Variants in ITPR3 observed in about 807,000 individuals in gnomAD.
ITPR3 encodes inositol 1,4,5-trisphosphate receptor type 3.
Under a neutral mutation model 293.2 loss-of-function variants are expected in ITPR3, and 173 were observed. That is an observed-to-expected ratio of 0.59 (90% CI 0.52 to 0.67). The LOEUF is 0.67. Ranked by LOEUF, ITPR3 falls within the 30% of genes least tolerant of loss-of-function variation. The probability of loss-of-function intolerance (pLI) is 0.00; values close to 1 mark genes in which losing one functional copy is unlikely to be tolerated. For missense variants in ITPR3, 2,796 were observed against 3,592.1 expected (o/e 0.78, Z 5.66); for synonymous variants, 1,295 against 1,444.4 (o/e 0.90, Z 2.35).
rs566470251 is a variant in ITPR3, at chr6:33,640,767, CCCCACTTCTCAGGGGCACA to C, written c.160+223_160+241del. Among the ~76,000 whole-genome samples, 19 of 152,372 alleles carry C rather than the reference CCCCACTTCTCAGGGGCACA, an allele frequency of 1.2e-4. No homozygotes were observed. In the South Asian group the frequency reaches 3.9e-3, roughly 32 times the overall value. ...ATTCCCTTCATTTTCTGGGGCCACA[CCCCACTTCTCAGGGGCACA>C]CCCACTTCTGGCCAGGGGCCCATTC... On this transcript the variant is annotated intron_variant, in intron 2 of 57. Transcript: ENST00000605930.
chr6:33,653,381 C>T (rs925495348), intron 2 of ITPR3, among the ~76,000 whole-genome samples: 3 of 150,902 alleles, frequency 2.0e-5, no homozygotes, highest in African/African-American at 7.3e-5. Context: ...TCCCATAGTG[C>T]TGGAATTACA....
At position 33,638,619 on chromosome 6, in the gene ITPR3, G is replaced by T. The variant is rs1332853360; in HGVS notation, c.90-1865G>T. On this transcript the variant is annotated intron_variant, in intron 1 of 57. Coordinates refer to ENST00000605930, the MANE Select transcript of ITPR3 (RefSeq NM_002224.4). The surrounding 1 kb of genome is among the most constrained non-coding windows in gnomAD (Gnocchi z 4.3). ...TCTTCTTGCCTTTATCACTTAGGAAGTTACAAGGGCTTTAAGAGCTCTGGC... is the reference window on the plus strand; with the variant it reads ...TCTTCTTGCCTTTATCACTTAGGAATTTACAAGGGCTTTAAGAGCTCTGGC... Among the ~76,000 whole-genome samples the T allele has an allele frequency of 1.3e-5, 2 of 152,248 alleles. No individual in the cohort carries two copies. Among genetic ancestry groups the T allele is most frequent in the African/African-American group, 2.4e-5 (1 of 41,460 alleles).
chr6:33,635,739 C>T (rs189194065), intron 1 of ITPR3, among the ~76,000 whole-genome samples: 89 of 151,962 alleles, frequency 5.9e-4, no homozygotes, highest in Middle Eastern at 6.8e-3. Flanking sequence ...AGGTGAGGAT[C>T]CTGGAGGTAG....
intron 1 of ITPR3, among the ~76,000 whole-genome samples, chr6:33,628,863 C>T (rs552300567): frequency 1.3e-4 from 20 of 152,144 alleles, no homozygotes; most frequent in African/African-American, 4.3e-4. Context: ...CTCAGCCAGC[C>T]AGCCCGCCAG....
chr6:33,655,799 A>T lies in ITPR3; in HGVS notation c.194A>T (p.Tyr65Phe). The T allele has an allele frequency of 6.2e-7, 1 of 1,614,016 alleles. No individual in the cohort carries two copies. The highest frequency in any genetic ancestry group is 8.5e-7 in the Non-Finnish European group (1 of 1,180,008). The change falls in exon 3 of 58, where the codon TAC becomes TTC. Residue 65 changes from tyrosine to phenylalanine, a missense_variant. By Grantham distance (22) the Tyr-to-Phe change is conservative. Around this residue, in one of 8 missense-constraint regions of ITPR3, gnomAD observed 53 missense variants for 45.7 expected, o/e 1.16. Coordinates refer to ENST00000605930, the MANE Select transcript of ITPR3 (RefSeq NM_002224.4). This position sits in a 1 kb window ranked among gnomAD's most constrained non-coding sequence, Gnocchi z 4.9. ...TTCAAGGTGTGCCCCATGAACCGCT[A>T]CTCGGCCCAGAAGCAGTACTGGAAG... ...CLFKVCPMNR[Y>F]SAQKQYWKAK...
Position 33,675,672 on chromosome 6 carries a change from T to G in ITPR3, c.3117-19T>G. The stretch of plus-strand genomic sequence containing the variant: ...GTGTGCCAGTCTCACCCATGCGCCC[T>G]GCACCCTTGTGCCCGCAGGAAGACA... On this transcript the variant is annotated intron_variant, in intron 24 of 57. Transcript: ENST00000605930. This position sits in a 1 kb window ranked among gnomAD's most constrained non-coding sequence, Gnocchi z 5.0. The G allele has an allele frequency of 6.3e-7, 1 of 1,582,014 alleles. No individual in the cohort carries two copies. The highest frequency in any genetic ancestry group is 1.2e-5 in the South Asian group (1 of 85,286).
In ITPR3 at chr6:33,680,700, C is replaced by T. The variant is rs752950586; in HGVS notation, c.4476+20C>T. ...CTGCAGGTGAGCTTCTCCTCTCCCA[C>T]CACCCCAGGGCCGACTTGCCTAGCT... On this transcript the variant is annotated intron_variant, in intron 33 of 57. Coordinates refer to ENST00000605930, the MANE Select transcript of ITPR3 (RefSeq NM_002224.4). 1 of 1,605,774 alleles carries T rather than the reference C, an allele frequency of 6.2e-7. No homozygotes were observed. Among genetic ancestry groups the T allele is most frequent in the Non-Finnish European group, 8.5e-7 (1 of 1,173,330 alleles).
At position 33,668,555 on chromosome 6, in the gene ITPR3, A is replaced by G; in HGVS notation, c.1927A>G (p.Ile643Val). ...CTCTGACCTGTGTGTGTCCAACCAC[A>G]TCGCCATCCCCGTCACCCAAGAGCT... ...YLSDLCVSNHIAIPVTQELIC... is the reference protein window; with the variant it reads ...YLSDLCVSNHVAIPVTQELIC... Residue 643 changes from isoleucine to valine, a missense_variant, in exon 17 of 58, where the codon ATC (isoleucine) becomes GTC (valine). Physicochemically the swap from Ile to Val is conservative, Grantham distance 29. Around this residue, in one of 8 missense-constraint regions of ITPR3, gnomAD observed 955 missense variants for 1,180.8 expected, o/e 0.81. Transcript: ENST00000605930. The G allele has an allele frequency of 1.9e-6, 3 of 1,614,196 alleles. No homozygotes were observed. Among genetic ancestry groups the G allele is most frequent in the Non-Finnish European group, 2.5e-6 (3 of 1,180,022 alleles).
At chr6:33,695,247 AGACTGG>A in intron 57 of ITPR3, 162 bp downstream of exon 57, 2 of 764,376 alleles carry the variant, frequency 2.6e-6, no homozygotes, top group Non-Finnish European at 4.1e-6. Context: ...ATGGCAAGTC[AGACTGG>A]GGTTGACAAC....
intron 20 of ITPR3, 106 bp from the exon 21 acceptor site, chr6:33,671,059 G>C (rs1764747786): frequency 6.5e-7 from 1 of 1,539,080 alleles, no homozygotes; most frequent in Admixed American, 1.8e-5. Flanking sequence ...CCGTCCTCAT[G>C]ACGCCCCTTT....
At position 33,687,380 on chromosome 6, in the gene ITPR3, G is replaced by A. The variant is rs1309637546; in HGVS notation, c.6177+53G>A. ...ATCACCCCCCTGGCCACCATACCCC[G>A]CCCCAGCTGCCATCATCCCCCAGTC... On this transcript the variant is annotated intron_variant, in intron 45 of 57. Transcript: ENST00000605930. This position sits in a 1 kb window ranked among gnomAD's most constrained non-coding sequence, Gnocchi z 5.3. 1.9e-5 allele frequency: 28 copies of A among 1,448,196 alleles called. No individual in the cohort carries two copies. The highest frequency in any genetic ancestry group is 4.2e-5 in the African/African-American group (3 of 70,606). The allele number at this position is 1,448,196 out of a possible 1,614,324, so 89.7% of individuals were successfully genotyped here.
chr6:33,625,868 C>T (rs1763538741), intron 1 of ITPR3, among the ~76,000 whole-genome samples: 1 of 152,166 alleles, frequency 6.6e-6, no homozygotes, highest in Non-Finnish European at 1.5e-5. Context: ...ATCCCTAGGT[C>T]GGAAACCTCA....
At chr6:33,645,664 C>T (rs1764049693) in intron 2 of ITPR3, among the ~76,000 whole-genome samples, 1 of 152,186 alleles carries the variant, frequency 6.6e-6, no homozygotes, top group African/African-American at 2.4e-5. Flanking sequence ...GGGGGCAGCT[C>T]CCTTCGCTCT....
chr6:33,643,122 G>T (rs1359974517), intron 2 of ITPR3, among the ~76,000 whole-genome samples: 3 of 152,224 alleles, frequency 2.0e-5, no homozygotes, highest in Admixed American at 1.3e-4. Context: ...ACTGGCCCTG[G>T]AGGGTGGGAC....
chr6:33,679,363 C>G lies in ITPR3; in HGVS notation c.3973-519C>G, dbSNP rs1765005197. On this transcript the variant is annotated intron_variant, in intron 30 of 57. Coordinates refer to ENST00000605930, the MANE Select transcript of ITPR3 (RefSeq NM_002224.4). This position sits in a 1 kb window ranked among gnomAD's most constrained non-coding sequence, Gnocchi z 4.2. ...AACAGACGTGGTCCCTGCCCCTGAG[C>G]ATCTGACAGTGTAGGCGGCAGGGGG... is the stretch of plus-strand genomic sequence containing the variant. Among the ~76,000 whole-genome samples the G allele has an allele frequency of 6.6e-6, 1 of 152,204 alleles. No individual in the cohort carries two copies. Among genetic ancestry groups the G allele is most frequent in the African/African-American group, 2.4e-5 (1 of 41,444 alleles).
At chr6:33,693,097 T>C (rs1331421791) in intron 55 of ITPR3, among the ~76,000 whole-genome samples, 1 of 152,210 alleles carries the variant, frequency 6.6e-6, no homozygotes, top group African/African-American at 2.4e-5. Flanking sequence ...GGCCCATCCC[T>C]GTAAACCCTT....
chr6:33,641,192 A>G (rs1763942344), intron 2 of ITPR3, among the ~76,000 whole-genome samples: 1 of 152,126 alleles, frequency 6.6e-6, no homozygotes, highest in Admixed American at 6.5e-5. Flanking sequence ...GGGATTAAAC[A>G]ATATCCTGGC....
In ITPR3 at chr6:33,687,458, T is replaced by C. The variant is rs773428099; in HGVS notation, c.6178-20T>C. The C allele has an allele frequency of 3.7e-6, 6 of 1,603,030 alleles. No homozygotes were observed. The highest frequency in any genetic ancestry group is 5.1e-6 in the Non-Finnish European group (6 of 1,174,890). The stretch of plus-strand genomic sequence containing the variant: ...CCCCCAGCCACCACACCCTGGTGAC[T>C]GTGCTGCCATTTCCCTCAGCTCTCC... On this transcript the variant is annotated intron_variant, in intron 45 of 57. Coordinates refer to ENST00000605930, the MANE Select transcript of ITPR3 (RefSeq NM_002224.4). The surrounding 1 kb of genome is among the most constrained non-coding windows in gnomAD (Gnocchi z 5.3).
rs1258626315 is a variant in ITPR3 at position 33,666,833 on chromosome 6, C to G, written c.1552-296C>G. 6.6e-6 allele frequency among the ~76,000 whole-genome samples: 1 copy of G among 152,192 alleles called. No homozygotes were observed. The highest frequency in any genetic ancestry group is 6.5e-5 in the Admixed American group (1 of 15,284). On this transcript the variant is annotated intron_variant, in intron 14 of 57. Transcript: ENST00000605930. This position sits in a 1 kb window ranked among gnomAD's most constrained non-coding sequence, Gnocchi z 5.1. ...GCCTGCCTTTTCTCTTAGCCTTAGA[C>G]CCTGAGCTGCCGAGACCCTCTGCTC...
Sources: gnomAD v4.1 joint callset for allele counts (sites outside exome capture counted in the v4.1 genomes callset) on GRCh38, gnomAD v4.1.1 for gene constraint, gnomAD v4.1.1 regional missense constraint, Gnocchi (gnomAD v3.1) non-coding constraint, MANE v1.5 for transcripts, NCBI Gene and HGNC (gene_info 2026-07-23, HGNC 2026-07-21) for gene names.